Variants in C2CD5 observed in about 807,000 individuals in gnomAD.
The protein encoded by C2CD5 is C2 domain-containing protein 5.
Under a neutral mutation model 130.3 loss-of-function variants are expected in C2CD5, and 109 were observed. That is an observed-to-expected ratio of 0.84 (90% CI 0.72 to 0.98). The LOEUF (loss-of-function observed/expected upper bound fraction) is 0.98, where lower values mean the gene tolerates loss of function less well. Among genes scored for constraint, C2CD5 ranks in the 50% least tolerant of loss-of-function variants. The probability of loss-of-function intolerance (pLI) is 0.00; values close to 1 mark genes in which losing one functional copy is unlikely to be tolerated. For synonymous variants in C2CD5, 454 were observed against 429.2 expected (o/e 1.06, Z -0.71); for missense variants, 996 against 1,261.8 (o/e 0.79, Z 3.19).
intron 2 of C2CD5, among the ~76,000 whole-genome samples, chr12:22,538,986 G>A (rs775712789): frequency 2.6e-5 from 4 of 151,724 alleles, no homozygotes; most frequent in Non-Finnish European, 5.9e-5. Context: ...CCTTTCTACT[G>A]GATTATTCCT....
At position 22,448,633 on chromosome 12, in the gene C2CD5, A is replaced by G. The variant is rs1319269039; in HGVS notation, c.*1127T>C. The stretch of plus-strand genomic sequence containing the variant: ...AAAAATAAAATTATAAACAAAATAC[A>G]GAAAAATATTGACACCTGTGATAAC... On this transcript the variant is annotated 3_prime_UTR_variant, in exon 27 of 27. Transcript: ENST00000446597. 2 of 152,458 alleles carry G rather than the reference A, an allele frequency of 1.3e-5. No individual in the cohort carries two copies. The highest frequency in any genetic ancestry group is 4.8e-5 in the African/African-American group (2 of 41,466). 9.4% of individuals were successfully genotyped at this position (152,458 alleles called of 1,614,324 possible). A position where few individuals can be genotyped will look rare whatever the true frequency, so the allele number is the denominator to read the frequency against.
chr12:22,541,891 T>C (rs948460273), intron 2 of C2CD5, among the ~76,000 whole-genome samples: 4 of 152,210 alleles, frequency 2.6e-5, no homozygotes, highest in African/African-American at 9.6e-5. Flanking sequence ...ATTCACCATG[T>C]ATATACATCG....
In C2CD5 at chr12:22,533,163, G is replaced by C. The variant is rs76565227; in HGVS notation, c.177+2095C>G. Among the ~76,000 whole-genome samples, 305 of 152,276 alleles carry C rather than the reference G, an allele frequency of 2.0e-3. 1 individual carries two copies. Among genetic ancestry groups the C allele is most frequent in the African/African-American group, 6.9e-3 (285 of 41,546 alleles). Reference sequence around the variant, plus strand: ...TGACAAAGATGTTTAACTTGGGAAGGGGGGGTGGTGGGTAGAATGGGAGAA... The same window carrying C: ...TGACAAAGATGTTTAACTTGGGAAGCGGGGGTGGTGGGTAGAATGGGAGAA... On this transcript the variant is annotated intron_variant, in intron 3 of 26. Transcript: ENST00000446597.
chr12:22,516,810 G>GA (rs1029022105), intron 8 of C2CD5, among the ~76,000 whole-genome samples: 41 of 148,658 alleles, frequency 2.8e-4, no homozygotes, highest in Middle Eastern at 3.4e-3. Flanking sequence ...CTCTTTATCT[G>GA]AAAAAAAAAA....
intron 7 of C2CD5, chr12:22,518,914 G>T: frequency 2.5e-6 from 1 of 406,250 alleles, no homozygotes; most frequent in Non-Finnish European, 4.3e-6. Flanking sequence ...TTGGAAGCTG[G>T]AAGAATACCT....
At chr12:22,524,133 G>A (rs1473656718) in intron 6 of C2CD5, among the ~76,000 whole-genome samples, 2 of 152,056 alleles carry the variant, frequency 1.3e-5, no homozygotes, top group East Asian at 3.9e-4. Flanking sequence ...GACAGAAGAA[G>A]GTGATTTGCT....
intron 10 of C2CD5, among the ~76,000 whole-genome samples, chr12:22,497,983 T>C (rs1323895153): frequency 3.3e-5 from 5 of 151,840 alleles, no homozygotes; most frequent in African/African-American, 7.2e-5. Flanking sequence ...ACTGGTAATA[T>C]AGAAAAGCTC....
intron 10 of C2CD5, among the ~76,000 whole-genome samples, chr12:22,495,413 G>A (rs1346650522): frequency 1.3e-5 from 2 of 151,968 alleles, no homozygotes; most frequent in Non-Finnish European, 2.9e-5. Context: ...ATGTCTAAAT[G>A]GGAAAGTATG....
At chr12:22,540,270 TTC>T (rs1952234702) in intron 2 of C2CD5, among the ~76,000 whole-genome samples, 1 of 152,234 alleles carries the variant, frequency 6.6e-6, no homozygotes, top group South Asian at 2.1e-4. Context: ...GCACTCCCTA[TTC>T]TGTGTCCCAG....
chr12:22,470,581 G>T (rs1182361115), intron 21 of C2CD5, among the ~76,000 whole-genome samples: 2 of 152,052 alleles, frequency 1.3e-5, no homozygotes, highest in Non-Finnish European at 2.9e-5. Flanking sequence ...TATAATTTAA[G>T]TCTAAAAAAC....
intron 16 of C2CD5, among the ~76,000 whole-genome samples, chr12:22,474,287 A>G (rs1943511353): frequency 6.6e-6 from 1 of 152,184 alleles, no homozygotes; most frequent in African/African-American, 2.4e-5. Flanking sequence ...GAAAGTTACT[A>G]AAGTGTTCTT....
In C2CD5 at chr12:22,481,798, A is replaced by ATTT. The variant is rs762273958; in HGVS notation, c.1737+756_1737+758dup. Among the ~76,000 whole-genome samples the ATTT allele has an allele frequency of 1.0e-3, 97 of 93,116 alleles. 1 individual carries two copies. The highest frequency in any genetic ancestry group is 3.1e-3 in the African/African-American group (72 of 23,292). 61.1% of individuals were successfully genotyped at this position (93,116 alleles called of 152,430 possible). A position where few individuals can be genotyped will look rare whatever the true frequency, so the allele number is the denominator to read the frequency against. ...AGCTTCCTGCCAGCACACCTGGTGT[A>ATTT]TTTTTTTTTTTTTTTTTTTTTTTAT... On this transcript the variant is annotated intron_variant, in intron 14 of 26. Transcript: ENST00000446597.
At chr12:22,519,342 G>A (rs1412082341) in intron 7 of C2CD5, 1 of 978,578 alleles carries the variant, frequency 1.0e-6, no homozygotes, top group African/African-American at 1.7e-5. Context: ...TCAGGGAAGA[G>A]AACTTATTTT....
At chr12:22,457,467 C>T (rs1940151121) in intron 24 of C2CD5, among the ~76,000 whole-genome samples, 1 of 152,134 alleles carries the variant, frequency 6.6e-6, no homozygotes, top group African/African-American at 2.4e-5. Context: ...AGCGGCTGAG[C>T]ATTAAAATTA....
At chr12:22,456,336 A>G (rs186573101) in intron 25 of C2CD5, among the ~76,000 whole-genome samples, 1 of 152,364 alleles carries the variant, frequency 6.6e-6, no homozygotes, top group African/African-American at 2.4e-5. Flanking sequence ...GTTCCTTAAC[A>G]TATGACACAA....
chr12:22,525,497 G>T, intron 5 of C2CD5, 113 bp downstream of exon 5: 9 of 709,920 alleles, frequency 1.3e-5, no homozygotes, highest in Non-Finnish European at 2.3e-5. Context: ...TTTCTCTTTG[G>T]CATTAAAACC....
intron 26 of C2CD5, among the ~76,000 whole-genome samples, chr12:22,452,597 A>AATTTATCAG (rs970182945): frequency 2.0e-5 from 3 of 152,102 alleles, no homozygotes; most frequent in Admixed American, 2.0e-4. Context: ...CCATTGCCAA[A>AATTTATCAG]ATTTATCAGA....
chr12:22,539,486 T>C (rs1952137842), intron 2 of C2CD5, among the ~76,000 whole-genome samples: 1 of 152,026 alleles, frequency 6.6e-6, no homozygotes, highest in African/African-American at 2.4e-5. Context: ...CAGAACCAAC[T>C]CCTAAAGCTT....
chr12:22,502,022 G>A (rs1456695592), intron 10 of C2CD5, among the ~76,000 whole-genome samples: 1 of 151,488 alleles, frequency 6.6e-6, no homozygotes, highest in Non-Finnish European at 1.5e-5. Flanking sequence ...TAAACAATTA[G>A]AAATGTACAT....
Sources: allele counts gnomAD v4.1 joint callset (sites outside exome capture counted in the v4.1 genomes callset), GRCh38; gene constraint gnomAD v4.1.1; transcripts MANE v1.5; gene names NCBI Gene and HGNC (gene_info 2026-07-23, HGNC 2026-07-21).